Variants in ARHGAP17 observed in about 807,000 individuals in gnomAD.
The protein encoded by ARHGAP17 is rho GTPase-activating protein 17.
Under a neutral mutation model 99.5 loss-of-function variants are expected in ARHGAP17, and 57 were observed. The ratio of observed to expected loss-of-function variants is 0.57; its 90% CI spans 0.46 to 0.71. The LOEUF is 0.71. Ranked by LOEUF, ARHGAP17 falls within the 30% of genes least tolerant of loss-of-function variation. ARHGAP17 has a pLI of 0.00. For missense variants in ARHGAP17, 1,000 were observed against 1,122.4 expected, an observed-to-expected ratio of 0.89 and a Z score of 1.56; for synonymous variants, 417 against 429.6, an observed-to-expected ratio of 0.97 and a Z score of 0.36.
At chr16:24,986,868 A>G (rs1394115028) in intron 1 of ARHGAP17, among the ~76,000 whole-genome samples, 2 of 152,238 alleles carry the variant, frequency 1.3e-5, no homozygotes, top group Admixed American at 6.5e-5. Context: ...CAAAATGAAC[A>G]GGGGTGGCTG....
rs779728026 is a variant in ARHGAP17 at position 24,954,650 on chromosome 16, T to C, written c.805A>G (p.Ile269Val). 2.5e-6 allele frequency: 4 copies of C among 1,613,900 alleles called. No individual in the cohort carries two copies. Among genetic ancestry groups the C allele is most frequent in the African/African-American group, 1.3e-5 (1 of 74,922 alleles). The change falls in exon 10 of 20, where the codon ATT becomes GTT. Residue 269 changes from isoleucine (I) to valine (V), a missense_variant. Coordinates refer to ENST00000289968, the MANE Select transcript of ARHGAP17 (RefSeq NM_001006634.3). ...AGAAGCAGCATGACACAGGCTTCAA[T>C]GGGCAGCGCAATCTCGCGCCCGCTC... ...KRSGREIALP[I>V]EACVMLLLET...
chr16:24,952,209 A>C (rs2051666561), intron 12 of ARHGAP17, 80 bp downstream of exon 12: 1 of 1,044,584 alleles, frequency 9.6e-7, no homozygotes, highest in Admixed American at 2.3e-5. Context: ...ATGATCCCTG[A>C]GAATAAAATG....
At chr16:24,961,419 C>T (rs1003691404) in intron 7 of ARHGAP17, among the ~76,000 whole-genome samples, 67 of 147,884 alleles carry the variant, frequency 4.5e-4, no homozygotes, top group Admixed American at 4.5e-3. Flanking sequence ...AATCCCAGCA[C>T]TTTGGGAGGC....
intron 1 of ARHGAP17, among the ~76,000 whole-genome samples, chr16:25,007,705 C>T (rs2053544068): frequency 6.6e-6 from 1 of 152,206 alleles, no homozygotes; most frequent in South Asian, 2.1e-4. Context: ...AGTCTCTAAA[C>T]TACAAATGAA....
At chr16:25,010,073 CTTTT>C (rs1420364320) in intron 1 of ARHGAP17, among the ~76,000 whole-genome samples, 1 of 148,512 alleles carries the variant, frequency 6.7e-6, no homozygotes, top group Admixed American at 6.8e-5. Flanking sequence ...GTTTCTTCCT[CTTTT>C]TTTTCTTTTT....
At chr16:24,980,014 A>G (rs1199751167) in intron 1 of ARHGAP17, among the ~76,000 whole-genome samples, 2 of 152,190 alleles carry the variant, frequency 1.3e-5, no homozygotes, top group African/African-American at 4.8e-5. Context: ...CCTGGCGTGA[A>G]GGAAATTTTT....
At chr16:24,943,240 GC>G (rs1204888388) in intron 15 of ARHGAP17, among the ~76,000 whole-genome samples, 1 of 152,174 alleles carries the variant, frequency 6.6e-6, no homozygotes, top group African/African-American at 2.4e-5. Context: ...TCACCAGCTG[GC>G]CCCGATCAAC....
In ARHGAP17 at chr16:24,959,919, A is replaced by G; in HGVS notation, c.634T>C (p.Phe212Leu). The change falls in exon 8 of 20, where the codon TTT (phenylalanine) becomes CTT (leucine). Residue 212 changes from phenylalanine to leucine, a missense_variant. By Grantham distance (22) the Phe-to-Leu change is conservative. Transcript: ENST00000289968. ...CAAGGGAAGGTGCTTACCGTAACAA[A>G]GAATTTGCCATACTCCCCTTCTTTG... is the stretch of plus-strand genomic sequence containing the variant. ...MAKEGEYGKFFVTLLEAQADY... is the reference protein window; with the variant it reads ...MAKEGEYGKFLVTLLEAQADY... 6.2e-7 allele frequency: 1 copy of G among 1,614,174 alleles called. No homozygotes were observed. Among genetic ancestry groups the G allele is most frequent in the Non-Finnish European group, 8.5e-7 (1 of 1,180,006 alleles).
rs774318728 is a variant in ARHGAP17 at position 24,977,479 on chromosome 16, A to G, written c.94-160T>C. 1.7e-4 allele frequency: 79 copies of G among 472,286 alleles called. 1 individual carries two copies. The highest frequency in any genetic ancestry group is 2.5e-4 in the Non-Finnish European group (68 of 270,982). The allele number at this position is 472,286 out of a possible 1,614,324, so 29.3% of individuals were successfully genotyped here. A position where few individuals can be genotyped will look rare whatever the true frequency, so the allele number is the denominator to read the frequency against. On this transcript the variant is annotated intron_variant, in intron 2 of 19. Transcript: ENST00000289968. ...AGTGGCGCCAGTCAGTTTACACACTACAGCACCAGAAAAGCACCAGGTTGG... is the reference window on the plus strand; with the variant it reads ...AGTGGCGCCAGTCAGTTTACACACTGCAGCACCAGAAAAGCACCAGGTTGG...
At chr16:24,999,348 TATA>T (rs1279455957) in intron 1 of ARHGAP17, among the ~76,000 whole-genome samples, 4 of 152,302 alleles carry the variant, frequency 2.6e-5, no homozygotes, top group Admixed American at 6.5e-5. Flanking sequence ...TTAACTTTGA[TATA>T]ATAAAACAGA....
chr16:24,970,910 C>T (rs1169098580), intron 3 of ARHGAP17, among the ~76,000 whole-genome samples: 1 of 152,148 alleles, frequency 6.6e-6, no homozygotes, highest in Non-Finnish European at 1.5e-5. Flanking sequence ...GGGTCTGAGT[C>T]TGTCACCCAG....
intron 9 of ARHGAP17, chr16:24,957,173 A>G (rs2051834251): frequency 6.6e-6 from 1 of 152,480 alleles, no homozygotes; most frequent in Admixed American, 6.5e-5. Flanking sequence ...AAAGGGTTCC[A>G]AGGTTAAGAC....
In ARHGAP17 at chr16:25,015,276, C is replaced by T; in HGVS notation, c.-15G>A. The T allele has an allele frequency of 2.3e-6, 3 of 1,332,794 alleles. No homozygotes were observed. The highest frequency in any genetic ancestry group is 3.1e-5 in the Admixed American group (1 of 32,520). The allele number at this position is 1,332,794 out of a possible 1,614,324, so 82.6% of individuals were successfully genotyped here. A position where few individuals can be genotyped will look rare whatever the true frequency, so the allele number is the denominator to read the frequency against. ...TGCTTCTTCATGGCGGCGGTGGCGG[C>T]GGCGGCCCGCGGGGCTCGGGCCGGG... On this transcript the variant is annotated 5_prime_UTR_variant, in exon 1 of 20. Coordinates refer to ENST00000289968, the MANE Select transcript of ARHGAP17 (RefSeq NM_001006634.3).
At chr16:24,993,679 C>G (rs918592274) in intron 1 of ARHGAP17, among the ~76,000 whole-genome samples, 1 of 152,098 alleles carries the variant, frequency 6.6e-6, no homozygotes, top group Middle Eastern at 3.4e-3. Flanking sequence ...AGGCAGACAC[C>G]CATTAAGTGA....
Position 24,959,946 on chromosome 16 carries a change from C to T in ARHGAP17, c.607G>A (p.Ala203Thr). 6.2e-7 allele frequency: 1 copy of T among 1,613,906 alleles called. No individual in the cohort carries two copies. Among genetic ancestry groups the T allele is most frequent in the East Asian group, 2.2e-5 (1 of 44,878 alleles). ...QLAADMYNFM[A>T]KEGEYGKFFV... ...AATTTGCCATACTCCCCTTCTTTGGCCATAAAGTTGTACATGTCTGCTGCA... is the reference window on the plus strand; with the variant it reads ...AATTTGCCATACTCCCCTTCTTTGGTCATAAAGTTGTACATGTCTGCTGCA... Residue 203 changes from alanine to threonine, a missense_variant, in exon 8 of 20, where the codon GCC (alanine) becomes ACC (threonine). By Grantham distance (58) the Ala-to-Thr change is moderately conservative. Around this residue, in one of 2 missense-constraint regions of ARHGAP17, gnomAD observed 472 missense variants for 611.1 expected, o/e 0.77. Transcript: ENST00000289968.
At position 24,947,610 on chromosome 16, in the gene ARHGAP17, A is replaced by G. The variant is rs756724008; in HGVS notation, c.1128-15T>C. The G allele has an allele frequency of 1.1e-5, 18 of 1,596,656 alleles. No individual in the cohort carries two copies. Among genetic ancestry groups the G allele is most frequent in the Non-Finnish European group, 1.4e-5 (16 of 1,170,850 alleles). ...TGATCAAATATCTAGGGGTCAAAAG[A>G]GAAGGGGAGGGTTTCTCCTCTGAAA... On this transcript the variant is annotated splice_polypyrimidine_tract_variant and intron_variant, in intron 13 of 19. Coordinates refer to ENST00000289968, the MANE Select transcript of ARHGAP17 (RefSeq NM_001006634.3).
Position 24,939,213 on chromosome 16 carries a change from T to G in ARHGAP17, c.1724+151A>C, listed in dbSNP as rs116134433. Reference sequence around the variant, plus strand: ...AAGCGAGCCATTCATAGTCTTTTTTTCCATCTTTTGCCAACCAGAGGAGTG... The same window carrying G: ...AAGCGAGCCATTCATAGTCTTTTTTGCCATCTTTTGCCAACCAGAGGAGTG... On this transcript the variant is annotated intron_variant, in intron 17 of 19. Transcript: ENST00000289968. The G allele has an allele frequency of 5.6e-3, 3,872 of 687,366 alleles. 109 individuals carry two copies. The African/African-American group carries it at 0.064, about 11-fold the overall frequency. The allele number at this position is 687,366 out of a possible 1,614,324, so 42.6% of individuals were successfully genotyped here.
At chr16:24,976,546 A>C (rs988585162) in intron 3 of ARHGAP17, among the ~76,000 whole-genome samples, 1 of 151,932 alleles carries the variant, frequency 6.6e-6, no homozygotes, top group African/African-American at 2.4e-5. Flanking sequence ...AAGAAAAGAA[A>C]GAGAAGAGAA....
chr16:24,935,601 G>GA lies in ARHGAP17; in HGVS notation c.1762_1763insT (p.Pro588LeufsTer47). 1 of 1,614,112 alleles carries GA rather than the reference G, an allele frequency of 6.2e-7. No individual in the cohort carries two copies. The highest frequency in any genetic ancestry group is 8.5e-7 in the Non-Finnish European group (1 of 1,180,042). On this transcript the variant is annotated frameshift_variant, in exon 18 of 20. Transcript: ENST00000289968. LOFTEE classifies it high-confidence loss of function. ...CTGACTGTTGTTTCTCCCTGGTGCTGGCACAGCTGCAGATACAGGGTCCTT... is the reference window on the plus strand; with the variant it reads ...CTGACTGTTGTTTCTCCCTGGTGCTGAGCACAGCTGCAGATACAGGGTCCTT...
Sources: allele counts gnomAD v4.1 joint callset (sites outside exome capture counted in the v4.1 genomes callset), GRCh38; gene constraint gnomAD v4.1.1; regional missense constraint gnomAD v4.1.1; transcripts MANE v1.5; gene names NCBI Gene and HGNC (gene_info 2026-07-23, HGNC 2026-07-21).